Variants in MAML3 observed in about 807,000 individuals in gnomAD.
MAML3 encodes mastermind-like protein 3.
MAML3 carries 27 observed loss-of-function variants against 101.9 expected under a neutral mutation model. The observed-to-expected ratio is 0.27, with a 90% confidence interval of 0.20 to 0.37. MAML3 has a LOEUF of 0.37. MAML3 is among the 10% of genes least tolerant of loss of function. MAML3 has a pLI of 1.00. For synonymous variants in MAML3, 501 were observed against 555.9 expected (o/e 0.90, Z 1.39); for missense variants, 1,316 against 1,444.9 (o/e 0.91, Z 1.45).
intron 2 of MAML3, among the ~76,000 whole-genome samples, chr4:139,832,075 G>A (rs1731174084): frequency 7.2e-6 from 1 of 139,522 alleles, no homozygotes; most frequent in Non-Finnish European, 1.5e-5. Context: ...TTACAGGCGT[G>A]AGCCATCATG....
intron 1 of MAML3, among the ~76,000 whole-genome samples, chr4:139,970,978 A>G (rs1734225171): frequency 6.6e-6 from 1 of 152,158 alleles, no homozygotes; most frequent in Non-Finnish European, 1.5e-5. Context: ...AAAAAATCCA[A>G]ATTTCCTGTC....
At chr4:139,757,236 C>T (rs1025202307) in intron 2 of MAML3, among the ~76,000 whole-genome samples, 1 of 152,182 alleles carries the variant, frequency 6.6e-6, no homozygotes, top group Admixed American at 6.5e-5. Context: ...TTGGAGCTCT[C>T]TGCTACTCTC....
At chr4:139,942,098 T>C (rs1403822858) in intron 1 of MAML3, among the ~76,000 whole-genome samples, 2 of 151,696 alleles carry the variant, frequency 1.3e-5, no homozygotes, top group African/African-American at 2.4e-5. Context: ...CGTGCCACTA[T>C]ACTCCAGCCT....
chr4:139,920,814 G>A (rs527947396), intron 1 of MAML3, among the ~76,000 whole-genome samples: 2 of 152,310 alleles, frequency 1.3e-5, no homozygotes, highest in South Asian at 4.1e-4. Flanking sequence ...TGTCTGGGGT[G>A]AGTGACCTGC....
intron 2 of MAML3, among the ~76,000 whole-genome samples, chr4:139,738,155 C>T (rs754813710): frequency 4.6e-5 from 7 of 152,230 alleles, no homozygotes; most frequent in Admixed American, 6.5e-5. Context: ...TTCTTACTGC[C>T]GAAACCTCTT....
At chr4:140,099,557 A>G (rs1489034916) in intron 1 of MAML3, among the ~76,000 whole-genome samples, 2 of 152,196 alleles carry the variant, frequency 1.3e-5, no homozygotes, top group Non-Finnish European at 2.9e-5. Flanking sequence ...ATGGGAAATC[A>G]TAGACAGTTT....
At chr4:139,861,983 T>G (rs1307320557) in intron 2 of MAML3, among the ~76,000 whole-genome samples, 1 of 151,176 alleles carries the variant, frequency 6.6e-6, no homozygotes, top group Non-Finnish European at 1.5e-5. Context: ...CTGAGGGGGG[T>G]GGACCACCTG....
chr4:139,815,921 C>A (rs1001397788), intron 2 of MAML3, among the ~76,000 whole-genome samples: 1 of 151,994 alleles, frequency 6.6e-6, no homozygotes, highest in Non-Finnish European at 1.5e-5. Flanking sequence ...ATACTTCTAA[C>A]GCTTGAACCC....
In MAML3 at chr4:139,960,098, A is replaced by G. The variant is rs569796103; in HGVS notation, c.469-69131T>C. ...GCTCGTGATGGTTTGAGGTCATTCC[A>G]GAAACCCTACATTGGGGGAGGAAGG... On this transcript the variant is annotated intron_variant, in intron 1 of 4. Transcript: ENST00000509479. 2.6e-5 allele frequency among the ~76,000 whole-genome samples: 4 copies of G among 152,310 alleles called. No individual in the cohort carries two copies. The South Asian group carries it at 8.3e-4, about 32-fold the overall frequency.
intron 1 of MAML3, among the ~76,000 whole-genome samples, chr4:140,072,903 G>A (rs188963724): frequency 2.7e-3 from 411 of 152,132 alleles, no homozygotes; most frequent in Non-Finnish European, 4.7e-3. Context: ...CTTCTTCTGG[G>A]CTAACACAGA....
In MAML3 at chr4:139,717,631, C is replaced by G. The variant is rs1164839911; in HGVS notation, c.*1692G>C. The G allele has an allele frequency of 6.5e-6, 1 of 152,674 alleles. No homozygotes were observed. The highest frequency in any genetic ancestry group is 2.4e-5 in the African/African-American group (1 of 41,450). The allele number at this position is 152,674 out of a possible 1,614,324, so 9.5% of individuals were successfully genotyped here. On this transcript the variant is annotated 3_prime_UTR_variant, in exon 5 of 5. Coordinates refer to ENST00000509479, the MANE Select transcript of MAML3 (RefSeq NM_018717.5). ...GCCTCCTCTCCAAAAACACCTCTGC[C>G]CCCAGCTTTCCATGGCAACTCGCCT...
At chr4:140,011,130 T>C (rs1466763704) in intron 1 of MAML3, among the ~76,000 whole-genome samples, 1 of 64,560 alleles carries the variant, frequency 1.5e-5, no homozygotes, top group Non-Finnish European at 3.0e-5. Flanking sequence ...TGTATATATA[T>C]ATATATACAC....
chr4:140,018,106 T>C (rs1004369259), intron 1 of MAML3, among the ~76,000 whole-genome samples: 1 of 152,218 alleles, frequency 6.6e-6, no homozygotes, highest in Non-Finnish European at 1.5e-5. Context: ...TACAGACAAC[T>C]GCTGGTGTAG....
At chr4:139,909,805 C>T (rs1288769651) in intron 1 of MAML3, among the ~76,000 whole-genome samples, 2 of 139,358 alleles carry the variant, frequency 1.4e-5, no homozygotes, top group African/African-American at 5.4e-5. Flanking sequence ...CCACTGCATT[C>T]CAGCCTGGGC....
In MAML3 at chr4:139,735,559, G is replaced by A. The variant is rs1351236060; in HGVS notation, c.2080-4892C>T. 2.0e-5 allele frequency among the ~76,000 whole-genome samples: 3 copies of A among 152,182 alleles called. No homozygotes were observed. Among genetic ancestry groups the A allele is most frequent in the Non-Finnish European group, 4.4e-5 (3 of 68,028 alleles). ...ACCCCAGCTGCACAAAGCCGGCCCG[G>A]GGAGGGGGCGATAAGGAGCGAGCCT... On this transcript the variant is annotated intron_variant, in intron 2 of 4. Coordinates refer to ENST00000509479, the MANE Select transcript of MAML3 (RefSeq NM_018717.5). The surrounding 1 kb of genome is among the most constrained non-coding windows in gnomAD (Gnocchi z 5.8).
At chr4:139,772,240 CAAAAAAA>C (rs1213721738) in intron 2 of MAML3, among the ~76,000 whole-genome samples, 3 of 39,270 alleles carry the variant, frequency 7.6e-5, no homozygotes, top group African/African-American at 4.5e-4. Flanking sequence ...ACTCCGTTCT[CAAAAAAA>C]AAAAAAAAAA....
At chr4:139,725,489 C>T (rs1728431084) in intron 4 of MAML3, among the ~76,000 whole-genome samples, 1 of 152,158 alleles carries the variant, frequency 6.6e-6, no homozygotes, top group Non-Finnish European at 1.5e-5. Context: ...GTTCTAGTCC[C>T]AACTCCGACA....
chr4:140,033,240 C>T (rs895372934), intron 1 of MAML3, among the ~76,000 whole-genome samples: 7 of 152,176 alleles, frequency 4.6e-5, no homozygotes, highest in Non-Finnish European at 1.0e-4. Flanking sequence ...CCATTTATAA[C>T]TAAGCCCTGT....
intron 1 of MAML3, among the ~76,000 whole-genome samples, chr4:140,128,679 C>G (rs1156337026): frequency 6.6e-6 from 1 of 152,148 alleles, no homozygotes; most frequent in Admixed American, 6.5e-5. Flanking sequence ...TGTGCTCAAG[C>G]CCAGAGAAGA....
Sources: gnomAD v4.1 joint callset for allele counts (sites outside exome capture counted in the v4.1 genomes callset) on GRCh38, gnomAD v4.1.1 for gene constraint, Gnocchi (gnomAD v3.1) non-coding constraint, MANE v1.5 for transcripts, NCBI Gene and HGNC (gene_info 2026-07-23, HGNC 2026-07-21) for gene names.